The following SIK3 variants were observed in gnomAD, a reference collection of about 807,000 sequenced individuals.
The protein encoded by SIK3 is SIK family kinase 3.
SIK3 carries 28 observed loss-of-function variants against 144.2 expected under a neutral mutation model. That is an observed-to-expected ratio of 0.19 (90% confidence interval 0.14 to 0.27). The LOEUF is 0.27. Among genes scored for constraint, SIK3 ranks in the 10% least tolerant of loss-of-function variants. The pLI is 1.00. For synonymous variants in SIK3, 686 were observed against 676.3 expected (o/e 1.01, Z -0.22); for missense variants, 1,319 against 1,776.0 (o/e 0.74, Z 4.62).
intron 1 of SIK3, among the ~76,000 whole-genome samples, chr11:117,038,800 A>G (rs1952622099): frequency 6.6e-6 from 1 of 152,162 alleles, no homozygotes; most frequent in African/African-American, 2.4e-5. Context: ...CTGTAATCCC[A>G]GCACTTTGGG....
intron 1 of SIK3, among the ~76,000 whole-genome samples, chr11:117,059,672 A>G (rs1460120471): frequency 6.6e-6 from 1 of 152,338 alleles, no homozygotes; most frequent in East Asian, 1.9e-4. Context: ...TAAGAAAACA[A>G]ACATCCCAAT....
chr11:116,861,616 C>T (rs1943334544), intron 18 of SIK3, among the ~76,000 whole-genome samples: 1 of 152,140 alleles, frequency 6.6e-6, no homozygotes, highest in South Asian at 2.1e-4. Flanking sequence ...ATGTCTGGCT[C>T]CTGTATTAGA....
intron 1 of SIK3, among the ~76,000 whole-genome samples, chr11:117,077,580 A>G (rs1234677226): frequency 6.6e-6 from 1 of 152,224 alleles, no homozygotes; most frequent in Non-Finnish European, 1.5e-5. Context: ...AAATACAGAC[A>G]GGTGTTTTGC....
chr11:116,961,058 GA>G (rs1044727266), intron 1 of SIK3, among the ~76,000 whole-genome samples: 6 of 151,970 alleles, frequency 3.9e-5, no homozygotes, highest in Non-Finnish European at 1.5e-5. Context: ...AACAGAGCTG[GA>G]AAAAAAATAA....
chr11:116,997,405 G>T (rs1372827637), intron 1 of SIK3, among the ~76,000 whole-genome samples: 3 of 152,162 alleles, frequency 2.0e-5, no homozygotes, highest in African/African-American at 7.2e-5. Flanking sequence ...CAACAAATAT[G>T]CAAGGCACTA....
intron 1 of SIK3, among the ~76,000 whole-genome samples, chr11:117,045,430 C>T (rs1228329222): frequency 6.6e-6 from 1 of 152,146 alleles, no homozygotes; most frequent in Admixed American, 6.5e-5. Context: ...TAAGAAGCCC[C>T]GCCCATAAGA....
intron 1 of SIK3, among the ~76,000 whole-genome samples, chr11:117,074,840 T>C (rs1468128201): frequency 6.6e-6 from 1 of 151,840 alleles, no homozygotes; most frequent in Non-Finnish European, 1.5e-5. Flanking sequence ...GGCAGGGAAA[T>C]TGCTTGAACC....
chr11:116,897,182 CAGTT>C lies in SIK3; in HGVS notation c.741+7_741+10del. ...TAATGCTGTGGGGTATAAGAGAAGG[CAGTT>C]ACTTACCCAGATGTCCACTTTGGGC... is the stretch of plus-strand genomic sequence containing the variant. On this transcript the variant is annotated splice_region_variant and intron_variant, in intron 5 of 24. Transcript: ENST00000445177. 4 of 1,613,064 alleles carry C rather than the reference CAGTT, an allele frequency of 2.5e-6. No individual in the cohort carries two copies. Among genetic ancestry groups the C allele is most frequent in the East Asian group, 2.2e-5 (1 of 44,836 alleles).
At chr11:117,085,411 A>C (rs1954960498) in intron 1 of SIK3, among the ~76,000 whole-genome samples, 1 of 152,104 alleles carries the variant, frequency 6.6e-6, no homozygotes, top group Non-Finnish European at 1.5e-5. Context: ...GCAGGCATGA[A>C]CCACCATACC....
intron 3 of SIK3, among the ~76,000 whole-genome samples, chr11:116,928,929 A>G (rs1012798098): frequency 6.6e-5 from 10 of 152,218 alleles, no homozygotes; most frequent in Admixed American, 2.6e-4. Context: ...TTAATAGAAG[A>G]AAAAGGAGAA....
chr11:117,025,018 C>T (rs1352184650), intron 1 of SIK3, among the ~76,000 whole-genome samples: 1 of 152,074 alleles, frequency 6.6e-6, no homozygotes, highest in Non-Finnish European at 1.5e-5. Context: ...GATGTCTTTC[C>T]ACTTTCTTTT....
intron 3 of SIK3, among the ~76,000 whole-genome samples, chr11:116,943,519 T>C (rs1414974745): frequency 2.0e-5 from 3 of 152,204 alleles, no homozygotes; most frequent in African/African-American, 4.8e-5. Flanking sequence ...TACTACGCCA[T>C]ATGTTTGGGC....
intron 21 of SIK3, 132 bp downstream of exon 21, chr11:116,857,678 C>T: frequency 7.0e-7 from 1 of 1,431,866 alleles, no homozygotes; most frequent in African/African-American, 1.4e-5. Context: ...TGCTTCTCCC[C>T]AAGAAGGTCG....
intron 22 of SIK3, 151 bp downstream of exon 22, chr11:116,848,969 G>GA (rs941034449): frequency 1.5e-3 from 1,336 of 913,020 alleles, no homozygotes; most frequent in South Asian, 1.9e-3. Context: ...TCTCAAAAAA[G>GA]AAAAAAAAAG....
At chr11:116,942,139 C>T (rs1157758567) in intron 3 of SIK3, among the ~76,000 whole-genome samples, 1 of 152,142 alleles carries the variant, frequency 6.6e-6, no homozygotes, top group Admixed American at 6.5e-5. Flanking sequence ...ATGTCAAAAA[C>T]TCATTTAACT....
rs944980638 is a variant in SIK3, at chr11:116,906,948, C to A, written c.617-9631G>T. On this transcript the variant is annotated intron_variant, in intron 4 of 24. Transcript: ENST00000445177. ...AGTACTTAGAAACGAACGTCGTGGC[C>A]ATGCAGGTGAGTGGCAAGAGCCCTG... Among the ~76,000 whole-genome samples the A allele has an allele frequency of 2.6e-5, 4 of 152,172 alleles. No individual in the cohort carries two copies. In the East Asian group the frequency reaches 7.7e-4, roughly 29 times the overall value.
chr11:117,040,940 C>G (rs1052875031), intron 1 of SIK3, among the ~76,000 whole-genome samples: 1 of 144,332 alleles, frequency 6.9e-6, no homozygotes, highest in African/African-American at 2.6e-5. Context: ...CTCACAGTTA[C>G]CTGCCTCCTT....
chr11:116,862,410 AAGC>A, intron 16 of SIK3, 83 bp from the exon 17 acceptor site: 2 of 1,581,226 alleles, frequency 1.3e-6, no homozygotes, highest in Non-Finnish European at 1.7e-6. Flanking sequence ...ATCTGCCTCC[AAGC>A]TCTCATGGGC....
At chr11:116,920,866 A>T (rs1299705244) in intron 4 of SIK3, among the ~76,000 whole-genome samples, 1 of 152,200 alleles carries the variant, frequency 6.6e-6, no homozygotes. Flanking sequence ...AATCTTACAA[A>T]CTACAGTACT....
Sources: allele counts gnomAD v4.1 joint callset (sites outside exome capture counted in the v4.1 genomes callset), GRCh38; gene constraint gnomAD v4.1.1; transcripts MANE v1.5; gene names NCBI Gene and HGNC (gene_info 2026-07-23, HGNC 2026-07-21).